Variants in PBX1 observed in about 807,000 individuals in gnomAD.
PBX1 encodes the protein PBX homeobox 1.
A neutral mutation model predicts 53.4 loss-of-function variants in PBX1; 6 were observed. The ratio of observed to expected loss-of-function variants is 0.11; its 90% CI spans 0.06 to 0.22. The LOEUF is 0.22. Among genes scored for constraint, PBX1 ranks in the 10% least tolerant of loss-of-function variants. PBX1 has a pLI of 1.00. For synonymous variants in PBX1, 204 were observed against 212.3 expected (o/e 0.96, Z 0.34); for missense variants, 251 against 551.4 (o/e 0.46, Z 5.46).
intron 2 of PBX1, among the ~76,000 whole-genome samples, chr1:164,758,440 A>G (rs989566589): frequency 1.3e-5 from 2 of 152,166 alleles, no homozygotes; most frequent in Non-Finnish European, 2.9e-5. Context: ...CCATGATGCC[A>G]GGGATTGATC....
At chr1:164,650,870 T>A (rs999012155) in intron 2 of PBX1, among the ~76,000 whole-genome samples, 1 of 151,920 alleles carries the variant, frequency 6.6e-6, no homozygotes, top group African/African-American at 2.4e-5. Context: ...CCACCACCTC[T>A]GCTTCCCTTC....
intron 2 of PBX1, among the ~76,000 whole-genome samples, chr1:164,648,017 G>A (rs561726636): frequency 3.3e-4 from 50 of 152,078 alleles, no homozygotes; most frequent in Non-Finnish European, 2.2e-4. Context: ...GGGTTTCACC[G>A]TATTAGCCAG....
intron 2 of PBX1, among the ~76,000 whole-genome samples, chr1:164,660,442 C>T (rs1366372313): frequency 6.6e-6 from 1 of 152,124 alleles, no homozygotes; most frequent in East Asian, 1.9e-4. Context: ...GTAAGACTGG[C>T]GAAAGATCAA....
chr1:164,826,822 A>G (rs1429130488), intron 8 of PBX1, among the ~76,000 whole-genome samples: 1 of 152,214 alleles, frequency 6.6e-6, no homozygotes, highest in African/African-American at 2.4e-5. Context: ...TGAAAATGGA[A>G]ATAAGTGTCA....
intron 2 of PBX1, among the ~76,000 whole-genome samples, chr1:164,768,600 T>C (rs1057148923): frequency 1.3e-5 from 2 of 152,218 alleles, no homozygotes; most frequent in African/African-American, 4.8e-5. Flanking sequence ...GATAGAATGG[T>C]TCCAGCCAGC....
chr1:164,734,291 A>G (rs1665154932), intron 2 of PBX1, among the ~76,000 whole-genome samples: 1 of 152,208 alleles, frequency 6.6e-6, no homozygotes. Flanking sequence ...TCTTGTATAC[A>G]ATGAACCCGA....
rs116539693 is a variant in PBX1 at position 164,647,244 on chromosome 1, T to C, written c.265+83933T>C. Among the ~76,000 whole-genome samples the C allele has an allele frequency of 5.7e-3, 864 of 152,262 alleles. 11 individuals are homozygous for C. The highest frequency in any genetic ancestry group is 0.02 in the African/African-American group (814 of 41,538). On this transcript the variant is annotated intron_variant, in intron 2 of 8. Transcript: ENST00000420696. ...GCACTGAATGAACTCTTCAAACTGA[T>C]AGCAGTTAGCACTAAAGGTTGAACA...
chr1:164,884,542 G>A (rs1672734633), intron 2 of PBX1: 1 of 509,662 alleles, frequency 2.0e-6, no homozygotes, highest in East Asian at 4.4e-5. Context: ...TTCTTACCAG[G>A]AAATTGCAAG....
At chr1:164,704,836 A>G (rs1389752422) in intron 2 of PBX1, among the ~76,000 whole-genome samples, 2 of 152,332 alleles carry the variant, frequency 1.3e-5, no homozygotes, top group East Asian at 1.9e-4. Context: ...GTGTGGGTAT[A>G]ATGCAAGTAC....
chr1:164,830,601 C>T (rs1325015899), intron 8 of PBX1, among the ~76,000 whole-genome samples: 1 of 152,140 alleles, frequency 6.6e-6, no homozygotes, highest in Admixed American at 6.5e-5. Context: ...GTGTCAGCCA[C>T]TAATTCATCC....
chr1:164,697,494 C>T (rs1342481998), intron 2 of PBX1, among the ~76,000 whole-genome samples: 1 of 152,198 alleles, frequency 6.6e-6, no homozygotes, highest in African/African-American at 2.4e-5. Flanking sequence ...CATTTTTATA[C>T]GTCCCCTTCT....
chr1:164,576,909 G>A (rs894427255), intron 2 of PBX1: 1 of 152,244 alleles, frequency 6.6e-6, no homozygotes, highest in South Asian at 2.1e-4. Flanking sequence ...CTGGAGCCGC[G>A]TTTTCAATAT....
At chr1:164,815,878 A>G (rs1356809835) in intron 6 of PBX1, 1 of 152,146 alleles carries the variant, frequency 6.6e-6, no homozygotes, top group Non-Finnish European at 1.5e-5. Context: ...ATCAACCCCT[A>G]AAAAGAGGTT....
At chr1:164,790,480 C>T (rs1425806932) in intron 2 of PBX1, among the ~76,000 whole-genome samples, 4 of 152,098 alleles carry the variant, frequency 2.6e-5, no homozygotes, top group Admixed American at 1.3e-4. Context: ...TTGTGGTTTG[C>T]GTCTAGGGTG....
rs1655277780 is a variant in PBX1, at chr1:164,590,267, G to GC, written c.265+26957dup. The GC allele has an allele frequency of 6.1e-5, 27 of 445,488 alleles. 1 individual carries two copies. Among genetic ancestry groups the GC allele is most frequent in the South Asian group, 4.2e-4 (27 of 63,674 alleles). 27.6% of individuals were successfully genotyped at this position (445,488 alleles called of 1,614,324 possible). On this transcript the variant is annotated intron_variant, in intron 2 of 8. Coordinates refer to ENST00000420696, the MANE Select transcript of PBX1 (RefSeq NM_002585.4). The stretch of plus-strand genomic sequence containing the variant: ...AGATAGAAGAAATACCTTGGCCAGC[G>GC]CAACTGGAAAGGGAGGAGCCAAAAG...
chr1:164,689,203 T>C lies in PBX1; in HGVS notation c.266-103291T>C, dbSNP rs1292561949. On this transcript the variant is annotated intron_variant, in intron 2 of 8. Coordinates refer to ENST00000420696, the MANE Select transcript of PBX1 (RefSeq NM_002585.4). ...AATGTTTGTTTATCCTCATGAAATA[T>C]ACATCAAAACATGTTGGTGGAAGAA... 4.6e-5 allele frequency among the ~76,000 whole-genome samples: 7 copies of C among 152,382 alleles called. No homozygotes were observed. In the East Asian group the frequency reaches 1.2e-3, roughly 25 times the overall value.
intron 2 of PBX1, among the ~76,000 whole-genome samples, chr1:164,664,829 C>T (rs114907128): frequency 0.011 from 1,641 of 152,236 alleles, 31 homozygotes; most frequent in African/African-American, 0.037. Context: ...TGTCAGATCT[C>T]GTGAGACTTA....
rs564887904 is a variant in PBX1 at position 164,841,913 on chromosome 1, T to G, written c.1201-4671T>G. ...ATCTCTAGTAATGGCATCTGGCCCA[T>G]ATGCAGATCTAGCTCCACTCTGTGC... On this transcript the variant is annotated intron_variant, in intron 8 of 8. Transcript: ENST00000420696. Among the ~76,000 whole-genome samples the G allele has an allele frequency of 3.3e-5, 5 of 152,276 alleles. No homozygotes were observed. The East Asian group carries it at 9.7e-4, about 29-fold the overall frequency.
chr1:164,586,676 C>T lies in PBX1; in HGVS notation c.265+23365C>T, dbSNP rs979784983. Among the ~76,000 whole-genome samples the T allele has an allele frequency of 2.6e-5, 4 of 152,262 alleles. No individual in the cohort carries two copies. The South Asian group carries it at 8.3e-4, about 32-fold the overall frequency. ...TTGTTAACCTATACTGTCACAATTG[C>T]TTATAAAATCAAAGCAAGAGAAAGA... On this transcript the variant is annotated intron_variant, in intron 2 of 8. Transcript: ENST00000420696.
Sources: gnomAD v4.1 joint callset for allele counts (sites outside exome capture counted in the v4.1 genomes callset) on GRCh38, gnomAD v4.1.1 for gene constraint, MANE v1.5 for transcripts, NCBI Gene and HGNC (gene_info 2026-07-23, HGNC 2026-07-21) for gene names.